INSYN2B: variants seen among roughly 807,000 people sequenced by gnomAD.
The protein encoded by INSYN2B is protein INSYN2B.
INSYN2B carries 16 observed loss-of-function variants against 41.2 expected under a neutral mutation model. That is an observed-to-expected ratio of 0.39 (90% CI 0.26 to 0.59). The LOEUF (loss-of-function observed/expected upper bound fraction) is 0.59, where lower values mean the gene tolerates loss of function less well. Ranked by LOEUF, INSYN2B falls within the 20% of genes least tolerant of loss-of-function variation. The pLI, the probability that INSYN2B is intolerant of heterozygous loss-of-function variation, is 0.57. For synonymous variants in INSYN2B, 245 were observed against 244.4 expected (o/e 1.00, Z -0.02); for missense variants, 608 against 646.4 (o/e 0.94, Z 0.64).
rs114188743 is a variant in INSYN2B, at chr5:169,867,904, T to C, written c.1422-3445A>G. ...ATTGCAGCAAGGAAGGACTTTAACA[T>C]GGTGAGTTGCAAGCTCTGATTCTCG... is the stretch of plus-strand genomic sequence containing the variant. On this transcript the variant is annotated intron_variant, in intron 3 of 3. Transcript: ENST00000377365. 5.9e-3 allele frequency among the ~76,000 whole-genome samples: 904 copies of C among 152,264 alleles called. 9 individuals are homozygous for C. Among genetic ancestry groups the C allele is most frequent in the African/African-American group, 0.021 (879 of 41,538 alleles).
rs1028677420 is a variant in INSYN2B at position 169,884,056 on chromosome 5, A to T, written c.-158T>A. 8.8e-6 allele frequency: 5 copies of T among 569,006 alleles called. No homozygotes were observed. The highest frequency in any genetic ancestry group is 7.4e-5 in the African/African-American group (4 of 53,830). The allele number at this position is 569,006 out of a possible 1,614,324, so 35.2% of individuals were successfully genotyped here. A position where few individuals can be genotyped will look rare whatever the true frequency, so the allele number is the denominator to read the frequency against. ...CTTAGTATGGGAAATCCTGTTGGCCATTCCCAGCCTCTAGAGTCTACGTAG... is the reference window on the plus strand; with the variant it reads ...CTTAGTATGGGAAATCCTGTTGGCCTTTCCCAGCCTCTAGAGTCTACGTAG... On this transcript the variant is annotated 5_prime_UTR_variant, in exon 2 of 4. An upstream start codon of the reference 5' UTR is lost. Transcript: ENST00000377365.
intron 1 of INSYN2B, among the ~76,000 whole-genome samples, chr5:169,966,871 T>C (rs544868997): frequency 2.0e-5 from 3 of 152,346 alleles, no homozygotes; most frequent in East Asian, 3.9e-4. Flanking sequence ...TCTAATGTTT[T>C]TGAGGAACCT....
At chr5:169,897,807 C>T (rs1773699616) in intron 1 of INSYN2B, among the ~76,000 whole-genome samples, 1 of 152,114 alleles carries the variant, frequency 6.6e-6, no homozygotes, top group Non-Finnish European at 1.5e-5. Flanking sequence ...AGAGATGATT[C>T]CTTCATCCCA....
intron 1 of INSYN2B, among the ~76,000 whole-genome samples, chr5:169,932,572 C>T (rs924565119): frequency 6.6e-6 from 1 of 152,090 alleles, no homozygotes; most frequent in Non-Finnish European, 1.5e-5. Flanking sequence ...GTTTTTTAGA[C>T]CTGGGACGCT....
At chr5:169,916,607 A>G (rs765007498) in intron 1 of INSYN2B, among the ~76,000 whole-genome samples, 6 of 152,210 alleles carry the variant, frequency 3.9e-5, no homozygotes, top group Non-Finnish European at 7.3e-5. Context: ...AAACAAGTTA[A>G]TATATTTAAA....
At chr5:169,911,308 A>G (rs1489680473) in intron 1 of INSYN2B, among the ~76,000 whole-genome samples, 3 of 152,124 alleles carry the variant, frequency 2.0e-5, no homozygotes, top group African/African-American at 4.8e-5. Context: ...CCACACACAT[A>G]CCAATCGTGT....
intron 1 of INSYN2B, among the ~76,000 whole-genome samples, chr5:169,951,657 A>G (rs1042696821): frequency 1.3e-5 from 2 of 152,246 alleles, no homozygotes; most frequent in African/African-American, 4.8e-5. Flanking sequence ...GAGGGTCCAG[A>G]GTATGTTATT....
intron 1 of INSYN2B, among the ~76,000 whole-genome samples, chr5:169,949,937 A>G (rs1180069995): frequency 6.6e-6 from 1 of 152,130 alleles, no homozygotes; most frequent in Non-Finnish European, 1.5e-5. Context: ...TTTATAGTTA[A>G]TACTGGCTTA....
chr5:169,918,799 G>T (rs1352156262), intron 1 of INSYN2B, among the ~76,000 whole-genome samples: 1 of 152,148 alleles, frequency 6.6e-6, no homozygotes, highest in Admixed American at 6.5e-5. Flanking sequence ...AGTAATCCCA[G>T]CTACTCGGGA....
At chr5:169,940,037 G>A (rs1001763984) in intron 1 of INSYN2B, among the ~76,000 whole-genome samples, 3 of 152,182 alleles carry the variant, frequency 2.0e-5, no homozygotes, top group Non-Finnish European at 4.4e-5. Flanking sequence ...ATTCCCCAGG[G>A]AGTTTTCTCA....
chr5:169,968,543 G>A (rs747469046), intron 1 of INSYN2B, among the ~76,000 whole-genome samples: 9 of 152,172 alleles, frequency 5.9e-5, no homozygotes, highest in Admixed American at 1.3e-4. Context: ...AGTGTTCTTC[G>A]ACTTCAGCAT....
chr5:169,930,815 T>A (rs1360872329), intron 1 of INSYN2B, among the ~76,000 whole-genome samples: 2 of 152,232 alleles, frequency 1.3e-5, no homozygotes, highest in Non-Finnish European at 2.9e-5. Context: ...TGGTTTCTTT[T>A]CTTATGCTTT....
chr5:169,950,080 G>A (rs1776598044), intron 1 of INSYN2B, among the ~76,000 whole-genome samples: 1 of 152,142 alleles, frequency 6.6e-6, no homozygotes. Context: ...GCATGTTCAA[G>A]CCCATCTGGC....
At chr5:169,979,678 C>A (rs1309209464) in intron 1 of INSYN2B, among the ~76,000 whole-genome samples, 2 of 152,126 alleles carry the variant, frequency 1.3e-5, no homozygotes, top group African/African-American at 4.8e-5. Flanking sequence ...TCATTAACAG[C>A]CAAATGCAGG....
intron 1 of INSYN2B, among the ~76,000 whole-genome samples, chr5:169,927,709 C>T (rs1013971678): frequency 2.6e-5 from 4 of 152,208 alleles, no homozygotes; most frequent in Non-Finnish European, 4.4e-5. Flanking sequence ...CTCCGCTTCC[C>T]GAGTTCATGC....
At chr5:169,936,875 C>G (rs953592581) in intron 1 of INSYN2B, among the ~76,000 whole-genome samples, 2 of 152,178 alleles carry the variant, frequency 1.3e-5, no homozygotes, top group East Asian at 1.9e-4. Flanking sequence ...TATAACGACA[C>G]CCTTCACTTA....
intron 1 of INSYN2B, among the ~76,000 whole-genome samples, chr5:169,964,825 T>C (rs956601318): frequency 6.6e-6 from 1 of 152,232 alleles, no homozygotes; most frequent in Non-Finnish European, 1.5e-5. Flanking sequence ...CTTCTCAATG[T>C]TGCTTGGAGG....
At chr5:169,961,447 C>T (rs1777083150) in intron 1 of INSYN2B, among the ~76,000 whole-genome samples, 1 of 152,192 alleles carries the variant, frequency 6.6e-6, no homozygotes, top group Non-Finnish European at 1.5e-5. Flanking sequence ...GTATAGCATG[C>T]TGAGCATAAT....
At chr5:169,934,566 G>A (rs1196376294) in intron 1 of INSYN2B, 2 of 450,612 alleles carry the variant, frequency 4.4e-6, no homozygotes, top group East Asian at 1.4e-4. Flanking sequence ...CACACACCTG[G>A]ATCTAAATCC....
Sources: allele counts gnomAD v4.1 joint callset (sites outside exome capture counted in the v4.1 genomes callset), GRCh38; gene constraint gnomAD v4.1.1; transcripts MANE v1.5; gene names NCBI Gene and HGNC (gene_info 2026-07-23, HGNC 2026-07-21).